The following UBAC2 variants were observed in gnomAD, a reference collection of about 807,000 sequenced individuals.
The protein encoded by UBAC2 is ubiquitin-associated domain-containing protein 2.
Under a neutral mutation model 44.0 loss-of-function variants are expected in UBAC2, and 26 were observed. The observed-to-expected ratio is 0.59, with a 90% confidence interval of 0.43 to 0.82. The LOEUF is 0.82. Ranked by LOEUF, UBAC2 falls within the 40% of genes least tolerant of loss-of-function variation. The pLI is 0.00. For synonymous variants in UBAC2, 155 were observed against 154.3 expected, an observed-to-expected ratio of 1.00 and a Z score of -0.04; for missense variants, 329 against 419.4, an observed-to-expected ratio of 0.78 and a Z score of 1.88.
chr13:99,332,041 A>G (rs2044721960), intron 6 of UBAC2, among the ~76,000 whole-genome samples: 1 of 152,112 alleles, frequency 6.6e-6, no homozygotes, highest in Admixed American at 6.5e-5. Flanking sequence ...GTTCCTTGTC[A>G]TGCAGAGGCA....
In UBAC2 at chr13:99,340,549, G is replaced by A. The variant is rs766785849; in HGVS notation, c.791G>A (p.Arg264Gln). 15 of 1,613,362 alleles carry A rather than the reference G, an allele frequency of 9.3e-6. No homozygotes were observed. The highest frequency in any genetic ancestry group is 1.7e-5 in the Admixed American group (1 of 59,966). Residue 264 changes from arginine to glutamine, a missense_variant, in exon 7 of 9, where the codon CGA becomes CAA. Coordinates refer to ENST00000403766, the MANE Select transcript of UBAC2 (RefSeq NM_001144072.2). ...TTCTCTCAGTTTGCACAAGGGAGGC[G>A]ACAGAGACAGCAGCAGGTAAAAGTG... The part of the protein sequence containing the change: ...LMFSQFAQGR[R>Q]QRQQQGGMIN...
intron 4 of UBAC2, among the ~76,000 whole-genome samples, chr13:99,307,008 G>C (rs992889410): frequency 6.6e-6 from 1 of 151,978 alleles, no homozygotes; most frequent in African/African-American, 2.4e-5. Context: ...TTCATACTAA[G>C]TTATCCTGAA....
intron 4 of UBAC2, among the ~76,000 whole-genome samples, chr13:99,293,477 G>C (rs117105631): frequency 6.6e-6 from 1 of 152,116 alleles, no homozygotes; most frequent in East Asian, 1.9e-4. Flanking sequence ...CCTCTTTAGA[G>C]ATCCAACTCA....
At position 99,232,420 on chromosome 13, in the gene UBAC2, A is replaced by ATATATATATATATATT. The variant is rs1438082766; in HGVS notation, c.32-6006_32-6005insATATATATATATATTT. ...GAGAGATATAGATATATATATATAT[A>ATATATATATATATATT]TTCACACACACATACTCTAAGGACC... On this transcript the variant is annotated intron_variant, in intron 1 of 8. Transcript: ENST00000403766. Among the ~76,000 whole-genome samples, 3 of 142,616 alleles carry ATATATATATATATATT rather than the reference A, an allele frequency of 2.1e-5. 1 individual carries two copies. The highest frequency in any genetic ancestry group is 7.7e-5 in the African/African-American group (3 of 39,000). The allele number at this position is 142,616 out of a possible 152,430, so 93.6% of individuals were successfully genotyped here.
At chr13:99,216,487 G>T (rs540282316) in intron 1 of UBAC2, among the ~76,000 whole-genome samples, 3 of 152,034 alleles carry the variant, frequency 2.0e-5, no homozygotes, top group Admixed American at 2.0e-4. Context: ...ATCAAATTTC[G>T]TTTAAAATAT....
intron 4 of UBAC2, among the ~76,000 whole-genome samples, chr13:99,272,247 A>G (rs538456723): frequency 5.3e-5 from 8 of 152,218 alleles, no homozygotes; most frequent in South Asian, 4.2e-4. Context: ...TTTAATTTCT[A>G]TCTTTGTTTC....
intron 4 of UBAC2, among the ~76,000 whole-genome samples, chr13:99,277,536 TAAATA>T (rs781019222): frequency 3.3e-5 from 5 of 151,978 alleles, no homozygotes; most frequent in African/African-American, 4.8e-5. Flanking sequence ...AAAAAATAAA[TAAATA>T]AAATAAAATA....
At chr13:99,203,870 A>G (rs1659291026) in intron 1 of UBAC2, among the ~76,000 whole-genome samples, 1 of 152,220 alleles carries the variant, frequency 6.6e-6, no homozygotes, top group African/African-American at 2.4e-5. Context: ...AAGAAAGGGG[A>G]CAGCAATACA....
intron 7 of UBAC2, among the ~76,000 whole-genome samples, chr13:99,362,027 A>C (rs2045271968): frequency 6.6e-6 from 1 of 152,144 alleles, no homozygotes; most frequent in African/African-American, 2.4e-5. Flanking sequence ...TTAAAATAGT[A>C]TATATACTCG....
At chr13:99,254,007 C>T (rs988728131) in intron 4 of UBAC2, among the ~76,000 whole-genome samples, 2 of 152,050 alleles carry the variant, frequency 1.3e-5, no homozygotes, top group Non-Finnish European at 2.9e-5. Context: ...GGATAAGTTA[C>T]TTGGTTTGTT....
intron 8 of UBAC2, among the ~76,000 whole-genome samples, chr13:99,369,431 C>T (rs1479928331): frequency 1.3e-5 from 2 of 151,890 alleles, no homozygotes; most frequent in South Asian, 2.1e-4. Flanking sequence ...CTGTTTTTCA[C>T]TTGCAGCACG....
chr13:99,324,846 T>C (rs535517190), intron 6 of UBAC2, among the ~76,000 whole-genome samples: 159 of 152,256 alleles, frequency 1.0e-3, no homozygotes, highest in African/African-American at 3.7e-3. Flanking sequence ...ATGACTGATA[T>C]TCAGTCATGG....
intron 2 of UBAC2, among the ~76,000 whole-genome samples, chr13:99,240,360 A>G (rs368428676): frequency 1.1e-4 from 16 of 152,342 alleles, no homozygotes; most frequent in East Asian, 5.8e-4. Flanking sequence ...AACTGTAGCT[A>G]GCAGCTTTAT....
At chr13:99,279,091 C>T (rs1222301683) in intron 4 of UBAC2, among the ~76,000 whole-genome samples, 2 of 152,090 alleles carry the variant, frequency 1.3e-5, no homozygotes, top group African/African-American at 4.8e-5. Flanking sequence ...TCCCTTTCTC[C>T]TTCCTTTTCC....
chr13:99,251,329 T>C (rs2043455653), intron 4 of UBAC2, among the ~76,000 whole-genome samples: 1 of 152,194 alleles, frequency 6.6e-6, no homozygotes, highest in Non-Finnish European at 1.5e-5. Flanking sequence ...TAAAGAGAGA[T>C]AGTTTGGGCT....
At chr13:99,312,128 G>T (rs1191888370) in intron 4 of UBAC2, among the ~76,000 whole-genome samples, 4 of 152,176 alleles carry the variant, frequency 2.6e-5, no homozygotes, top group Admixed American at 6.5e-5. Flanking sequence ...GTTGTATTTT[G>T]GTTTGGTTTT....
intron 1 of UBAC2, chr13:99,215,596 T>C (rs2042982982): frequency 6.0e-6 from 8 of 1,338,414 alleles, no homozygotes; most frequent in Non-Finnish European, 8.6e-6. Context: ...ATGGCTGCGC[T>C]GTACACAGCG....
intron 7 of UBAC2, among the ~76,000 whole-genome samples, chr13:99,353,947 C>G (rs143608361): frequency 6.6e-6 from 1 of 152,338 alleles, no homozygotes; most frequent in Non-Finnish European, 1.5e-5. Flanking sequence ...TTTTCAGAGT[C>G]GTGAGTCACG....
chr13:99,295,688 A>G lies in UBAC2; in HGVS notation c.390-18409A>G, dbSNP rs755322265. On this transcript the variant is annotated intron_variant, in intron 4 of 8. Transcript: ENST00000403766. This position sits in a 1 kb window ranked among gnomAD's most constrained non-coding sequence, Gnocchi z 4.1. ...AGCAAATACTAGAATCCAGACAAAT[A>G]TGCACACGCCTTTTGCATGTTCAAT... 6.2e-6 allele frequency: 10 copies of G among 1,614,060 alleles called. 1 individual carries two copies. Among genetic ancestry groups the G allele is most frequent in the South Asian group, 5.5e-5 (5 of 91,090 alleles).
Sources: gnomAD v4.1 joint callset for allele counts (sites outside exome capture counted in the v4.1 genomes callset) on GRCh38, gnomAD v4.1.1 for gene constraint, Gnocchi (gnomAD v3.1) non-coding constraint, MANE v1.5 for transcripts, NCBI Gene and HGNC (gene_info 2026-07-23, HGNC 2026-07-21) for gene names.